The following UBE2QL1 variants were observed in gnomAD, a reference collection of about 807,000 sequenced individuals.
UBE2QL1 encodes the protein ubiquitin-conjugating enzyme E2Q-like protein 1.
A neutral mutation model predicts 12.6 loss-of-function variants in UBE2QL1; 5 were observed. The ratio of observed to expected loss-of-function variants is 0.40; its 90% confidence interval spans 0.21 to 0.83. UBE2QL1 has a LOEUF of 0.83. Among genes scored for constraint, UBE2QL1 ranks in the 40% least tolerant of loss-of-function variants. The pLI, the probability that UBE2QL1 is intolerant of heterozygous loss-of-function variation, is 0.37. For missense variants in UBE2QL1, 99 were observed against 222.6 expected, an observed-to-expected ratio of 0.44 and a Z score of 3.53; for synonymous variants, 96 against 94.5, an observed-to-expected ratio of 1.02 and a Z score of -0.10.
At chr5:6,464,727 A>AC (rs1304446890) in intron 1 of UBE2QL1, among the ~76,000 whole-genome samples, 1 of 152,176 alleles carries the variant, frequency 6.6e-6, no homozygotes, top group East Asian at 1.9e-4. Flanking sequence ...GCCTCAGGTC[A>AC]CCCTCAGTAG....
At position 6,478,536 on chromosome 5, in the gene UBE2QL1, G is replaced by A. The variant is rs997782054; in HGVS notation, c.355-12682G>A. Among the ~76,000 whole-genome samples, 11 of 152,130 alleles carry A rather than the reference G, an allele frequency of 7.2e-5. No homozygotes were observed. Among genetic ancestry groups the A allele is most frequent in the East Asian group, 1.9e-4 (1 of 5,190 alleles). Reference sequence around the variant, plus strand: ...AGCTCCTGCTAGCAGGGCAGACAGCGAATGGTGGCTGCCTCTGTTTTGACA... The same window carrying A: ...AGCTCCTGCTAGCAGGGCAGACAGCAAATGGTGGCTGCCTCTGTTTTGACA... On this transcript the variant is annotated intron_variant, in intron 1 of 1. Transcript: ENST00000399816. This position sits in a 1 kb window ranked among gnomAD's most constrained non-coding sequence, Gnocchi z 4.5.
chr5:6,463,568 C>T (rs1004089929), intron 1 of UBE2QL1, among the ~76,000 whole-genome samples: 4 of 151,046 alleles, frequency 2.6e-5, no homozygotes, highest in Non-Finnish European at 4.4e-5. Flanking sequence ...GAAGTTCTCC[C>T]GAAACCCAGG....
intron 1 of UBE2QL1, among the ~76,000 whole-genome samples, chr5:6,482,178 T>A (rs1479489256): frequency 1.3e-5 from 2 of 152,088 alleles, no homozygotes; most frequent in Non-Finnish European, 2.9e-5. Flanking sequence ...CACACAAGGG[T>A]GCTGGCAGCC....
At chr5:6,482,205 G>C (rs1422675994) in intron 1 of UBE2QL1, among the ~76,000 whole-genome samples, 2 of 152,204 alleles carry the variant, frequency 1.3e-5, no homozygotes, top group Non-Finnish European at 2.9e-5. Context: ...CGCTGGAACA[G>C]AGTCCTGGAG....
intron 1 of UBE2QL1, among the ~76,000 whole-genome samples, chr5:6,450,297 A>C (rs144085138): frequency 6.6e-6 from 1 of 152,294 alleles, no homozygotes; most frequent in East Asian, 1.9e-4. Flanking sequence ...ACGAAGGGCC[A>C]AACAGTTCTC....
chr5:6,470,625 C>T (rs1311028377), intron 1 of UBE2QL1, among the ~76,000 whole-genome samples: 3 of 152,144 alleles, frequency 2.0e-5, no homozygotes, highest in African/African-American at 4.8e-5. Flanking sequence ...TCATAAGGTC[C>T]CTGGACATAT....
chr5:6,466,588 G>A (rs1202469186), intron 1 of UBE2QL1, among the ~76,000 whole-genome samples: 2 of 152,266 alleles, frequency 1.3e-5, no homozygotes, highest in African/African-American at 4.8e-5. Flanking sequence ...ATGAGGTTGA[G>A]TTGATGTCCT....
intron 1 of UBE2QL1, among the ~76,000 whole-genome samples, chr5:6,465,861 A>G (rs775280296): frequency 1.3e-5 from 2 of 152,112 alleles, no homozygotes; most frequent in Non-Finnish European, 2.9e-5. Context: ...ACTCCTCGCC[A>G]TTTCTGCATT....
Position 6,479,166 on chromosome 5 carries a change from C to T in UBE2QL1, c.355-12052C>T, listed in dbSNP as rs1425570318. ...ACAGAGCTGAGTGAGCAGAGTCCCA[C>T]CTGCCGGAACAAGAGGGCGAAAGTG... On this transcript the variant is annotated intron_variant, in intron 1 of 1. Coordinates refer to ENST00000399816, the MANE Select transcript of UBE2QL1 (RefSeq NM_001145161.3). This position sits in a 1 kb window ranked among gnomAD's most constrained non-coding sequence, Gnocchi z 4.2. 2.0e-5 allele frequency among the ~76,000 whole-genome samples: 3 copies of T among 151,996 alleles called. No individual in the cohort carries two copies. Among genetic ancestry groups the T allele is most frequent in the Admixed American group, 1.3e-4 (2 of 15,264 alleles).
rs1275506236 is a variant in UBE2QL1 at position 6,494,445 on chromosome 5, G to T, written c.*3096G>T. ...TGACCTTTTTTTAAGAGAAAAATAT[G>T]TAGATGAGTGAAAAAGACCTAGGAT... On this transcript the variant is annotated 3_prime_UTR_variant, in exon 2 of 2. Transcript: ENST00000399816. 1 of 152,118 alleles carries T rather than the reference G, an allele frequency of 6.6e-6. No homozygotes were observed. Among genetic ancestry groups the T allele is most frequent in the East Asian group, 1.9e-4 (1 of 5,188 alleles). 9.4% of individuals were successfully genotyped at this position (152,118 alleles called of 1,614,324 possible).
At chr5:6,477,729 C>G (rs272463) in intron 1 of UBE2QL1, among the ~76,000 whole-genome samples, 95,483 of 152,086 alleles carry the variant, frequency 0.63, 34,472 homozygotes, top group East Asian at 0.91. Flanking sequence ...GCGGGAATTT[C>G]AAGAGTTCCC....
chr5:6,483,863 A>T (rs1250465350), intron 1 of UBE2QL1, among the ~76,000 whole-genome samples: 1 of 151,946 alleles, frequency 6.6e-6, no homozygotes, highest in Non-Finnish European at 1.5e-5. Context: ...ACTGTCCTCT[A>T]TGCCCTCAGA....
In UBE2QL1 at chr5:6,496,009, T is replaced by C. The variant is rs949548874; in HGVS notation, c.*4660T>C. Among the ~76,000 whole-genome samples the C allele has an allele frequency of 8.5e-5, 13 of 152,178 alleles. No homozygotes were observed. Among genetic ancestry groups the C allele is most frequent in the Admixed American group, 5.9e-4 (9 of 15,270 alleles). ...TTCCAGAAGAAACACGGGAGCAAAG[T>C]GTGCTGGCCAAACAGCAACAATCAA... On this transcript the variant is annotated 3_prime_UTR_variant, in exon 2 of 2. Coordinates refer to ENST00000399816, the MANE Select transcript of UBE2QL1 (RefSeq NM_001145161.3).
chr5:6,473,082 C>G (rs1350860614), intron 1 of UBE2QL1, among the ~76,000 whole-genome samples: 1 of 152,216 alleles, frequency 6.6e-6, no homozygotes, highest in Non-Finnish European at 1.5e-5. Flanking sequence ...CTCTCTTCTG[C>G]TCAGTTCCCC....
At chr5:6,461,866 G>A (rs1182216752) in intron 1 of UBE2QL1, among the ~76,000 whole-genome samples, 3 of 152,138 alleles carry the variant, frequency 2.0e-5, no homozygotes, top group Non-Finnish European at 4.4e-5. Context: ...GTCACACACC[G>A]TTTAGAGGTC....
In UBE2QL1 at chr5:6,478,841, T is replaced by C. The variant is rs1734292650; in HGVS notation, c.355-12377T>C. ...GGAGAGTGATCCTAGGACGTGCAGA[T>C]GCATTCTGTCAGGAAACAGGCAAAA... On this transcript the variant is annotated intron_variant, in intron 1 of 1. Transcript: ENST00000399816. The surrounding 1 kb of genome is among the most constrained non-coding windows in gnomAD (Gnocchi z 4.5). Among the ~76,000 whole-genome samples, 1 of 152,128 alleles carries C rather than the reference T, an allele frequency of 6.6e-6. No homozygotes were observed.
At chr5:6,468,352 G>A (rs1000475106) in intron 1 of UBE2QL1, among the ~76,000 whole-genome samples, 3 of 152,162 alleles carry the variant, frequency 2.0e-5, no homozygotes, top group Non-Finnish European at 4.4e-5. Context: ...GGTGGGTGAA[G>A]GGATGCTCCT....
intron 1 of UBE2QL1, among the ~76,000 whole-genome samples, chr5:6,473,539 A>G (rs564490280): frequency 9.0e-4 from 137 of 152,368 alleles, no homozygotes; most frequent in African/African-American, 3.1e-3. Flanking sequence ...GGGAGGCAGA[A>G]ATGTAAGGAC....
chr5:6,493,174 T>C lies in UBE2QL1; in HGVS notation c.*1825T>C, dbSNP rs932679530. On this transcript the variant is annotated 3_prime_UTR_variant, in exon 2 of 2. Transcript: ENST00000399816. The stretch of plus-strand genomic sequence containing the variant: ...AAACTTGATGACAGTGAACTTACGA[T>C]GTTCATTCATCCAACCCTCTATGGT... 2.0e-5 allele frequency: 3 copies of C among 152,196 alleles called. No homozygotes were observed. The highest frequency in any genetic ancestry group is 6.5e-5 in the Admixed American group (1 of 15,288). The allele number at this position is 152,196 out of a possible 1,614,324, so 9.4% of individuals were successfully genotyped here. A position where few individuals can be genotyped will look rare whatever the true frequency, so the allele number is the denominator to read the frequency against.
Sources: allele counts gnomAD v4.1 joint callset (sites outside exome capture counted in the v4.1 genomes callset), GRCh38; gene constraint gnomAD v4.1.1; non-coding constraint Gnocchi (gnomAD v3.1); transcripts MANE v1.5; gene names NCBI Gene and HGNC (gene_info 2026-07-23, HGNC 2026-07-21).